Variants in SLC25A28 observed in about 807,000 individuals in gnomAD.
SLC25A28 encodes the protein solute carrier family 25 member 28, also known as mitoferrin-2.
In SLC25A28, 10 loss-of-function variants were observed where a neutral mutation model predicts 31.9. The ratio of observed to expected loss-of-function variants is 0.31; its 90% confidence interval spans 0.19 to 0.53. The LOEUF is 0.53. Among genes scored for constraint, SLC25A28 ranks in the 20% least tolerant of loss-of-function variants. The pLI is 0.95. For synonymous variants in SLC25A28, 208 were observed against 203.6 expected, an observed-to-expected ratio of 1.02 and a Z score of -0.19; for missense variants, 256 against 490.3, an observed-to-expected ratio of 0.52 and a Z score of 4.51.
chr10:99,612,120 C>T (rs922825654), intron 3 of SLC25A28, among the ~76,000 whole-genome samples: 1 of 152,218 alleles, frequency 6.6e-6, no homozygotes, highest in African/African-American at 2.4e-5. Context: ...TTTAACCTTT[C>T]ATTCCTATCC....
chr10:99,630,029 A>G, the SLC25A28 span, among the ~76,000 whole-genome samples: 2 of 152,186 alleles, frequency 1.3e-5, no homozygotes, highest in East Asian at 3.8e-4. Context: ...AGGGAAAAAA[A>G]GGGTAGTGAG....
Position 99,613,655 on chromosome 10 carries a change from A to T in SLC25A28, c.520+41T>A. 1 of 1,613,870 alleles carries T rather than the reference A, an allele frequency of 6.2e-7. No individual in the cohort carries two copies. The highest frequency in any genetic ancestry group is 1.3e-5 in the African/African-American group (1 of 75,062). On this transcript the variant is annotated intron_variant, in intron 2 of 3. Coordinates refer to ENST00000370495, the MANE Select transcript of SLC25A28 (RefSeq NM_031212.4). This position sits in a 1 kb window ranked among gnomAD's most constrained non-coding sequence, Gnocchi z 4.9. Reference sequence around the variant, plus strand: ...GCACTGACAGCAGCAAAGCCCAAAGAGTTGGGAAAGTGGGGGAACCAGCAC... The same window carrying T: ...GCACTGACAGCAGCAAAGCCCAAAGTGTTGGGAAAGTGGGGGAACCAGCAC...
At chr10:99,622,195 G>A (rs186077988), upstream of SLC25A28, among the ~76,000 whole-genome samples, 1 of 152,160 alleles carries the variant, frequency 6.6e-6, no homozygotes. Flanking sequence ...TCAAAAATTA[G>A]CTGGGTATGG....
At chr10:99,622,232 T>C (rs370840895), upstream of SLC25A28, among the ~76,000 whole-genome samples, 1 of 152,172 alleles carries the variant, frequency 6.6e-6, no homozygotes, top group African/African-American at 2.4e-5. Context: ...TCTCAGCTAC[T>C]TGGGGGAGGA....
chr10:99,629,270 T>C, the SLC25A28 span, among the ~76,000 whole-genome samples: 5 of 152,238 alleles, frequency 3.3e-5, no homozygotes, highest in African/African-American at 1.2e-4. Context: ...TCTCTTGTCA[T>C]ATTATCTCTG....
At chr10:99,638,640 A>G in the SLC25A28 span, among the ~76,000 whole-genome samples, 3 of 152,344 alleles carry the variant, frequency 2.0e-5, no homozygotes, top group Admixed American at 2.0e-4. Context: ...TGAATAGACA[A>G]TTCTCAGAAG....
the SLC25A28 span, among the ~76,000 whole-genome samples, chr10:99,650,306 T>C: frequency 2.0e-5 from 3 of 152,150 alleles, no homozygotes; most frequent in Non-Finnish European, 4.4e-5. Context: ...GCCTCCTGGG[T>C]AACTGGGACT....
chr10:99,630,302 A>T, the SLC25A28 span, among the ~76,000 whole-genome samples: 6 of 151,896 alleles, frequency 4.0e-5, no homozygotes, highest in African/African-American at 4.8e-5. Context: ...CAAATTTTTT[A>T]AAAATATTTT....
the SLC25A28 span, among the ~76,000 whole-genome samples, chr10:99,641,976 A>T: frequency 1.3e-5 from 2 of 152,078 alleles, no homozygotes; most frequent in African/African-American, 4.8e-5. Context: ...GTAGCCTTGT[A>T]GTATAGTTTG....
the SLC25A28 span, among the ~76,000 whole-genome samples, chr10:99,657,009 T>A: frequency 6.6e-6 from 1 of 152,214 alleles, no homozygotes; most frequent in Non-Finnish European, 1.5e-5. Flanking sequence ...CAAACCAGAC[T>A]GACAAAGAAA....
At chr10:99,639,470 T>C in the SLC25A28 span, among the ~76,000 whole-genome samples, 1 of 151,968 alleles carries the variant, frequency 6.6e-6, no homozygotes, top group Non-Finnish European at 1.5e-5. Flanking sequence ...TGTACCCCAA[T>C]AACCTATGGA....
intron 1 of SLC25A28, chr10:99,615,472 T>G: frequency 1.0e-6 from 1 of 985,382 alleles, no homozygotes; most frequent in Non-Finnish European, 1.2e-6. Context: ...AGGTCCCGGT[T>G]AGCTGCAAGC....
At chr10:99,627,501 C>T in the SLC25A28 span, among the ~76,000 whole-genome samples, 32 of 150,724 alleles carry the variant, frequency 2.1e-4, no homozygotes, top group South Asian at 6.7e-3. Context: ...AGTGCAGTAG[C>T]GTGATCATGG....
chr10:99,644,359 G>C, the SLC25A28 span, among the ~76,000 whole-genome samples: 1 of 152,140 alleles, frequency 6.6e-6, no homozygotes, highest in Non-Finnish European at 1.5e-5. Flanking sequence ...TTGGTTTGAA[G>C]TCTGTTTTAT....
At chr10:99,633,615 T>C in the SLC25A28 span, among the ~76,000 whole-genome samples, 6 of 146,060 alleles carry the variant, frequency 4.1e-5, no homozygotes, top group East Asian at 1.2e-3. Flanking sequence ...GAGAATGAAC[T>C]GAGATCGCAT....
At chr10:99,631,827 A>G in the SLC25A28 span, among the ~76,000 whole-genome samples, 1 of 151,076 alleles carries the variant, frequency 6.6e-6, no homozygotes, top group African/African-American at 2.4e-5. Flanking sequence ...ACCAACTGGG[A>G]GAGAAAATAA....
the SLC25A28 span, among the ~76,000 whole-genome samples, chr10:99,640,217 A>G: frequency 2.6e-5 from 4 of 152,240 alleles, no homozygotes; most frequent in Non-Finnish European, 5.9e-5. Context: ...AATATTAATT[A>G]TAAGTTTCCT....
the SLC25A28 span, among the ~76,000 whole-genome samples, chr10:99,654,327 A>T: frequency 1.3e-5 from 2 of 152,186 alleles, no homozygotes; most frequent in Non-Finnish European, 1.5e-5. Context: ...CAATATCTTA[A>T]TTTAGCAGCT....
the SLC25A28 span, among the ~76,000 whole-genome samples, chr10:99,630,909 A>G: frequency 1.3e-5 from 2 of 152,304 alleles, no homozygotes; most frequent in Middle Eastern, 6.8e-3. Flanking sequence ...CGCACAAGGG[A>G]AATGACATTT....
Sources: gnomAD v4.1 joint callset for allele counts (sites outside exome capture counted in the v4.1 genomes callset) on GRCh38, gnomAD v4.1.1 for gene constraint, Gnocchi (gnomAD v3.1) non-coding constraint, MANE v1.5 for transcripts, NCBI Gene and HGNC (gene_info 2026-07-23, HGNC 2026-07-21) for gene names.